CSGALNACT1: variants seen among roughly 807,000 people sequenced by gnomAD.
CSGALNACT1 encodes chondroitin sulfate N-acetylgalactosaminyltransferase 1, also known as beta4GalNAcT-1.
In CSGALNACT1, 52 loss-of-function variants were observed where a neutral mutation model predicts 51.0. The ratio of observed to expected loss-of-function variants is 1.02; its 90% confidence interval spans 0.82 to 1.29. The LOEUF (loss-of-function observed/expected upper bound fraction) is 1.29, where lower values mean the gene tolerates loss of function less well. Among genes scored for constraint, CSGALNACT1 ranks in the 50% most tolerant of loss-of-function variants. The pLI, the probability that CSGALNACT1 is intolerant of heterozygous loss-of-function variation, is 0.00. For synonymous variants in CSGALNACT1, 341 were observed against 254.4 expected (o/e 1.34, Z -3.24); for missense variants, 935 against 679.2 (o/e 1.38, Z -4.19).
At chr8:19,621,883 T>A (rs1299164939) in intron 1 of CSGALNACT1, among the ~76,000 whole-genome samples, 2 of 152,244 alleles carry the variant, frequency 1.3e-5, no homozygotes. Flanking sequence ...ATGAGAATAT[T>A]TTCCACAATT....
intron 4 of CSGALNACT1, among the ~76,000 whole-genome samples, chr8:19,472,395 C>CAACT (rs1003119016): frequency 4.6e-5 from 7 of 152,248 alleles, no homozygotes; most frequent in African/African-American, 1.7e-4. Flanking sequence ...CGTCCATATG[C>CAACT]AACTTACCAC....
chr8:19,501,561 G>A (rs1328906752), intron 4 of CSGALNACT1, among the ~76,000 whole-genome samples: 4 of 152,192 alleles, frequency 2.6e-5, no homozygotes, highest in Non-Finnish European at 5.9e-5. Context: ...AGAGGCTGGA[G>A]GAGGATGAGC....
intron 6 of CSGALNACT1, among the ~76,000 whole-genome samples, chr8:19,439,551 G>T (rs2060959464): frequency 6.6e-6 from 1 of 152,184 alleles, no homozygotes. Context: ...CCAGTTATAT[G>T]GAAGCTCAAA....
intron 3 of CSGALNACT1, among the ~76,000 whole-genome samples, chr8:19,522,098 G>A (rs557698726): frequency 2.6e-5 from 4 of 152,176 alleles, no homozygotes; most frequent in African/African-American, 7.2e-5. Flanking sequence ...AGCACAGAAA[G>A]GCTTGTCTTA....
At chr8:19,517,621 G>C (rs1027311249) in intron 3 of CSGALNACT1, among the ~76,000 whole-genome samples, 1 of 152,102 alleles carries the variant, frequency 6.6e-6, no homozygotes, top group Non-Finnish European at 1.5e-5. Context: ...CACATGGCTG[G>C]GGAGGCCTCA....
intron 8 of CSGALNACT1, among the ~76,000 whole-genome samples, chr8:19,411,798 T>C (rs1263013797): frequency 2.6e-5 from 4 of 151,080 alleles, no homozygotes; most frequent in African/African-American, 7.3e-5. Context: ...CCTCCTGTTC[T>C]GGATTTCACT....
intron 1 of CSGALNACT1, among the ~76,000 whole-genome samples, chr8:19,709,680 T>G (rs2062384293): frequency 6.6e-6 from 1 of 152,138 alleles, no homozygotes; most frequent in Non-Finnish European, 1.5e-5. Flanking sequence ...TGGCACTCAG[T>G]GGTATCACCA....
At chr8:19,632,781 A>C (rs573613497) in intron 1 of CSGALNACT1, among the ~76,000 whole-genome samples, 100 of 152,130 alleles carry the variant, frequency 6.6e-4, no homozygotes, top group African/African-American at 2.3e-3. Flanking sequence ...TATTTGACAC[A>C]ATCACACTCT....
At chr8:19,514,375 C>T (rs532232264) in intron 3 of CSGALNACT1, among the ~76,000 whole-genome samples, 177 of 150,826 alleles carry the variant, frequency 1.2e-3, no homozygotes, top group Non-Finnish European at 1.0e-3. Context: ...AGTTTTGCTG[C>T]TTTTCCTCCT....
intron 1 of CSGALNACT1, among the ~76,000 whole-genome samples, chr8:19,754,628 C>G (rs933139113): frequency 1.3e-5 from 2 of 152,142 alleles, no homozygotes; most frequent in Non-Finnish European, 2.9e-5. Flanking sequence ...AAAACAGTAC[C>G]AAATCCATCA....
In CSGALNACT1 at chr8:19,505,534, T is replaced by G. The variant is rs2153997139; in HGVS notation, c.301A>C (p.Ser101Arg). Residue 101 changes from serine (S) to arginine (R), a missense_variant, in exon 4 of 10, where the codon AGC (serine) becomes CGC (arginine). Physicochemically the swap from Ser to Arg is moderately radical, Grantham distance 110. Transcript: ENST00000454498. ...TCCAGACCCAGGCCAGCAGCATCGCTGGCTTGGTACTGCCCATTCCTGAGC... is the reference window on the plus strand; with the variant it reads ...TCCAGACCCAGGCCAGCAGCATCGCGGGCTTGGTACTGCCCATTCCTGAGC... 1 of 1,614,028 alleles carries G rather than the reference T, an allele frequency of 6.2e-7. No homozygotes were observed. The highest frequency in any genetic ancestry group is 1.3e-5 in the African/African-American group (1 of 75,060).
At chr8:19,672,622 TA>T (rs1775722050) in intron 1 of CSGALNACT1, among the ~76,000 whole-genome samples, 1 of 152,238 alleles carries the variant, frequency 6.6e-6, no homozygotes, top group Non-Finnish European at 1.5e-5. Flanking sequence ...TCCAGTCACT[TA>T]TAGATGACAT....
At chr8:19,680,703 G>C (rs2060552182) in intron 1 of CSGALNACT1, among the ~76,000 whole-genome samples, 1 of 151,962 alleles carries the variant, frequency 6.6e-6, no homozygotes, top group Non-Finnish European at 1.5e-5. Context: ...GTCACCGAAT[G>C]ACTGTGATAG....
chr8:19,476,690 T>G (rs545041827), intron 4 of CSGALNACT1, among the ~76,000 whole-genome samples: 8 of 152,288 alleles, frequency 5.3e-5, no homozygotes, highest in Non-Finnish European at 1.2e-4. Context: ...AATATTTTGT[T>G]TTGGAACCCA....
intron 6 of CSGALNACT1, among the ~76,000 whole-genome samples, chr8:19,436,598 T>C (rs550444690): frequency 2.0e-5 from 3 of 152,328 alleles, no homozygotes; most frequent in East Asian, 3.9e-4. Flanking sequence ...GTTTCATGTA[T>C]AAGCTCATAT....
intron 1 of CSGALNACT1, among the ~76,000 whole-genome samples, chr8:19,720,108 A>G (rs1281597201): frequency 1.3e-5 from 2 of 152,220 alleles, no homozygotes; most frequent in African/African-American, 4.8e-5. Context: ...GGAGAAAGCT[A>G]AAGGGCACTG....
At chr8:19,619,265 T>C (rs1368200124) in intron 1 of CSGALNACT1, among the ~76,000 whole-genome samples, 1 of 149,800 alleles carries the variant, frequency 6.7e-6, no homozygotes, top group Non-Finnish European at 1.5e-5. Flanking sequence ...GGGTGGGCCT[T>C]GAAAAAAAGC....
chr8:19,712,799 T>C (rs2062588447), intron 1 of CSGALNACT1, among the ~76,000 whole-genome samples: 1 of 152,106 alleles, frequency 6.6e-6, no homozygotes, highest in South Asian at 2.1e-4. Context: ...GCTAAAGGCA[T>C]AGACAGTTAA....
intron 1 of CSGALNACT1, among the ~76,000 whole-genome samples, chr8:19,651,333 G>A (rs895639205): frequency 1.3e-5 from 2 of 151,976 alleles, no homozygotes; most frequent in East Asian, 3.9e-4. Flanking sequence ...ACAGCCTGTT[G>A]CAGACATTCT....
Sources: gnomAD v4.1 joint callset for allele counts (sites outside exome capture counted in the v4.1 genomes callset) on GRCh38, gnomAD v4.1.1 for gene constraint, MANE v1.5 for transcripts, NCBI Gene and HGNC (gene_info 2026-07-23, HGNC 2026-07-21) for gene names.